Variants in HYCC2 observed in about 807,000 individuals in gnomAD.
HYCC2 encodes the protein hyccin PI4KA lipid kinase complex subunit 2.
chr2:201,005,421 T>C, the HYCC2 span, among the ~76,000 whole-genome samples: 3 of 152,118 alleles, frequency 2.0e-5, no homozygotes, highest in Non-Finnish European at 4.4e-5. Flanking sequence ...CATTTTTTTT[T>C]CCCACCTAAG....
chr2:201,026,766 T>C, the HYCC2 span, among the ~76,000 whole-genome samples: 80 of 152,092 alleles, frequency 5.3e-4, no homozygotes, highest in Non-Finnish European at 1.6e-4. Flanking sequence ...TTGAAACCAA[T>C]GAGAACAAAG....
the HYCC2 span, among the ~76,000 whole-genome samples, chr2:201,047,928 T>TAC: frequency 1.3e-5 from 2 of 148,206 alleles, no homozygotes; most frequent in Non-Finnish European, 3.0e-5. Flanking sequence ...TTCAAGCCTG[T>TAC]ACTAAAAGAA....
At chr2:201,021,746 A>G in the HYCC2 span, 1 of 235,560 alleles carries the variant, frequency 4.2e-6, no homozygotes, top group African/African-American at 2.3e-5. Flanking sequence ...ATGTTAAGAC[A>G]GAGCAAAACA....
chr2:200,981,442 T>C, the HYCC2 span: 4 of 1,614,060 alleles, frequency 2.5e-6, no homozygotes, highest in Non-Finnish European at 2.5e-6. This position sits in a 1 kb window ranked among gnomAD's most constrained non-coding sequence, Gnocchi z 4.5. Context: ...AGTACCTCCC[T>C]CAGTGCCAAC....
chr2:201,038,502 A>G, the HYCC2 span, among the ~76,000 whole-genome samples: 1 of 152,232 alleles, frequency 6.6e-6, no homozygotes, highest in Non-Finnish European at 1.5e-5. Flanking sequence ...CCAAATGTCC[A>G]TCAATGATAG....
At chr2:201,064,558 T>A in the HYCC2 span, among the ~76,000 whole-genome samples, 1 of 152,126 alleles carries the variant, frequency 6.6e-6, no homozygotes, top group Non-Finnish European at 1.5e-5. Flanking sequence ...GAACTGATAG[T>A]TACTGTTGTG....
the HYCC2 span, among the ~76,000 whole-genome samples, chr2:201,034,438 T>G: frequency 6.6e-6 from 1 of 152,172 alleles, no homozygotes; most frequent in Non-Finnish European, 1.5e-5. Context: ...CCCCTGCTTT[T>G]TTTTGTTTTC....
chr2:200,981,983 G>T, the HYCC2 span: 1 of 1,160,146 alleles, frequency 8.6e-7, no homozygotes, highest in Non-Finnish European at 1.2e-6. The surrounding 1 kb of genome is among the most constrained non-coding windows in gnomAD (Gnocchi z 4.5). Context: ...GTTGTCAATG[G>T]CCCTACTATC....
the HYCC2 span, chr2:201,061,433 A>G: frequency 2.0e-5 from 3 of 152,128 alleles, no homozygotes; most frequent in African/African-American, 7.2e-5. Context: ...ATCTGAAAAA[A>G]AAAATAAAAT....
chr2:200,992,247 G>T, the HYCC2 span: 1 of 1,260,826 alleles, frequency 7.9e-7, no homozygotes, highest in Non-Finnish European at 1.2e-6. Flanking sequence ...TTAGGTACCA[G>T]TATATTTAAT....
chr2:201,004,503 T>G, the HYCC2 span, among the ~76,000 whole-genome samples: 1 of 152,178 alleles, frequency 6.6e-6, no homozygotes, highest in African/African-American at 2.4e-5. Flanking sequence ...ATGGGGCAGA[T>G]TCCTCTGGGG....
chr2:201,009,014 A>T, the HYCC2 span: 2 of 1,613,910 alleles, frequency 1.2e-6, no homozygotes, highest in Non-Finnish European at 1.7e-6. Context: ...GATGAAGATC[A>T]CTATAAACAA....
the HYCC2 span, among the ~76,000 whole-genome samples, chr2:201,044,319 C>T: frequency 6.6e-6 from 1 of 152,088 alleles, no homozygotes; most frequent in African/African-American, 2.4e-5. Flanking sequence ...AACTCCTGGC[C>T]CCAAGCAATC....
chr2:201,053,416 A>G, the HYCC2 span, among the ~76,000 whole-genome samples: 366 of 152,352 alleles, frequency 2.4e-3, 3 homozygotes, highest in African/African-American at 8.5e-3. Context: ...TGCATCCCAG[A>G]GCAGAGCTCA....
At chr2:200,994,528 C>T in the HYCC2 span, among the ~76,000 whole-genome samples, 50 of 152,202 alleles carry the variant, frequency 3.3e-4, no homozygotes, top group East Asian at 1.2e-3. Flanking sequence ...TGAGCCACCG[C>T]GCCTGGCCTA....
chr2:201,035,886 G>C, the HYCC2 span, among the ~76,000 whole-genome samples: 44 of 152,114 alleles, frequency 2.9e-4, no homozygotes, highest in Admixed American at 2.6e-3. Context: ...CTGTTTGCCT[G>C]GATATCAGCA....
the HYCC2 span, among the ~76,000 whole-genome samples, chr2:201,006,035 T>C: frequency 1.3e-5 from 2 of 151,572 alleles, no homozygotes; most frequent in Non-Finnish European, 2.9e-5. Flanking sequence ...AGTTTCACCA[T>C]GTTGGCCAGG....
the HYCC2 span, chr2:201,022,930 T>C: frequency 8.0e-5 from 128 of 1,606,292 alleles, 1 homozygote; most frequent in South Asian, 1.3e-3. Context: ...TGTCAGGTAA[T>C]GCCTAAAAGA....
the HYCC2 span, chr2:201,063,511 C>G: frequency 1.3e-6 from 2 of 1,591,918 alleles, no homozygotes; most frequent in Admixed American, 3.3e-5. Flanking sequence ...CTGACCGAGG[C>G]AGTGGGAAGA....
Sources: gnomAD v4.1 joint callset for allele counts (sites outside exome capture counted in the v4.1 genomes callset) on GRCh38, gnomAD v4.1.1 for gene constraint, Gnocchi (gnomAD v3.1) non-coding constraint, MANE v1.5 for transcripts, NCBI Gene and HGNC (gene_info 2026-07-23, HGNC 2026-07-21) for gene names.